Variants in BEND3 observed in about 807,000 individuals in gnomAD.
BEND3 encodes the protein BEN domain-containing protein 3.
In BEND3, 13 loss-of-function variants were observed where a neutral mutation model predicts 60.1. The observed-to-expected ratio is 0.22, with a 90% confidence interval of 0.14 to 0.34. The LOEUF (loss-of-function observed/expected upper bound fraction) is 0.34, where lower values mean the gene tolerates loss of function less well. BEND3 is among the 10% of genes least tolerant of loss of function. The pLI, the probability that BEND3 is intolerant of heterozygous loss-of-function variation, is 1.00. For synonymous variants in BEND3, 497 were observed against 491.5 expected (o/e 1.01, Z -0.15); for missense variants, 896 against 1,138.1 (o/e 0.79, Z 3.06).
At chr6:107,098,839 T>C in intron 2 of BEND3, 86 bp from the exon 3 acceptor site, 2 of 1,162,826 alleles carry the variant, frequency 1.7e-6, no homozygotes, top group African/African-American at 1.5e-5. Context: ...AGGGTGTCTG[T>C]GGGCCGCCCT....
chr6:107,079,571 C>T (rs1425233728), intron 3 of BEND3, among the ~76,000 whole-genome samples: 1 of 152,136 alleles, frequency 6.6e-6, no homozygotes, highest in Non-Finnish European at 1.5e-5. Context: ...GTCTGTATGC[C>T]CCCTAGAGGT....
In BEND3 at chr6:107,069,070, C is replaced by G. The variant is rs1167522961; in HGVS notation, c.2121G>C (p.Val707=). Residue 707 remains valine (V), a synonymous_variant, in exon 4 of 4, where the codon GTG becomes GTC. Coordinates refer to ENST00000369042, the MANE Select transcript of BEND3 (RefSeq NM_001367314.1). The part of the protein sequence containing the change: ...DFCKIPLDEL[V]VPSPDFPVPS... Reference sequence around the variant, plus strand: ...GCACCGGGAAGTCAGGCGAGGGGACCACCAGCTCGTCCAAGGGGATCTTGC... The same window carrying G: ...GCACCGGGAAGTCAGGCGAGGGGACGACCAGCTCGTCCAAGGGGATCTTGC... 1 of 1,613,208 alleles carries G rather than the reference C, an allele frequency of 6.2e-7. No individual in the cohort carries two copies. Among genetic ancestry groups the G allele is most frequent in the Non-Finnish European group, 8.5e-7 (1 of 1,180,000 alleles).
Position 107,087,273 on chromosome 6 carries a change from T to G in BEND3, c.240+11278A>C, listed in dbSNP as rs370668357. ...GGTGGAGGTTGCAGTGAGCAGAGAT[T>G]GCGCCTCTGCACTCCAGCCTGGGTA... is the stretch of plus-strand genomic sequence containing the variant. On this transcript the variant is annotated intron_variant, in intron 3 of 3. Coordinates refer to ENST00000369042, the MANE Select transcript of BEND3 (RefSeq NM_001367314.1). Among the ~76,000 whole-genome samples, 6 of 151,290 alleles carry G rather than the reference T, an allele frequency of 4.0e-5. No homozygotes were observed. In the East Asian group the frequency reaches 1.2e-3, roughly 30 times the overall value.
intron 3 of BEND3, among the ~76,000 whole-genome samples, chr6:107,081,841 G>A (rs1457619237): frequency 6.6e-6 from 1 of 151,768 alleles, no homozygotes; most frequent in African/African-American, 2.4e-5. Flanking sequence ...AGCATATGAA[G>A]ATGCTGCCTT....
At chr6:107,114,261 G>A (rs1452114981) in intron 1 of BEND3, 1 of 152,208 alleles carries the variant, frequency 6.6e-6, no homozygotes, top group African/African-American at 2.4e-5. Flanking sequence ...CGCTCACGAG[G>A]AGCGGCGAGC....
intron 1 of BEND3, among the ~76,000 whole-genome samples, chr6:107,112,538 T>G (rs911596760): frequency 6.6e-6 from 1 of 151,954 alleles, no homozygotes; most frequent in Non-Finnish European, 1.5e-5. Context: ...AGCAAGAAGA[T>G]GGCATCTCTG....
chr6:107,103,402 C>A (rs1292347438), intron 1 of BEND3, among the ~76,000 whole-genome samples: 1 of 152,236 alleles, frequency 6.6e-6, no homozygotes, highest in Non-Finnish European at 1.5e-5. Flanking sequence ...TACGTAGGCG[C>A]TGCCACAACT....
At chr6:107,114,730 G>C (rs1770223447) in intron 1 of BEND3, among the ~76,000 whole-genome samples, 1 of 146,016 alleles carries the variant, frequency 6.8e-6, no homozygotes. Flanking sequence ...CGCGGCGCGA[G>C]TGGGGCGGGC....
At chr6:107,071,098 A>G in intron 3 of BEND3, 148 bp from the exon 4 acceptor site, 1 of 743,128 alleles carries the variant, frequency 1.3e-6, no homozygotes, top group Non-Finnish European at 2.1e-6. Context: ...TCTGTCATCC[A>G]AGGATGCACC....
intron 3 of BEND3, among the ~76,000 whole-genome samples, chr6:107,084,089 G>GT (rs1300190612): frequency 6.6e-6 from 1 of 152,174 alleles, no homozygotes; most frequent in Non-Finnish European, 1.5e-5. Flanking sequence ...TCTTAAACCC[G>GT]TAAGACCGGT....
chr6:107,112,619 C>A (rs1258096318), intron 1 of BEND3, among the ~76,000 whole-genome samples: 1 of 152,064 alleles, frequency 6.6e-6, no homozygotes, highest in African/African-American at 2.4e-5. Flanking sequence ...TTTGGGAGGC[C>A]GAAGCTGGCG....
intron 1 of BEND3, among the ~76,000 whole-genome samples, chr6:107,114,885 C>A (rs1292232525): frequency 6.7e-6 from 1 of 149,284 alleles, no homozygotes; most frequent in Non-Finnish European, 1.5e-5. Flanking sequence ...CCCGTGGGCG[C>A]CCGGCGCCCG....
Position 107,080,756 on chromosome 6 carries a change from C to T in BEND3, c.241-9806G>A, listed in dbSNP as rs1276743853. On this transcript the variant is annotated intron_variant, in intron 3 of 3. Transcript: ENST00000369042. The stretch of plus-strand genomic sequence containing the variant: ...AAAATTAGCTGGGCGTGGTGGTGCG[C>T]ACCTGTAACCCCAGCTACTCGGGAA... 4.6e-5 allele frequency among the ~76,000 whole-genome samples: 7 copies of T among 151,944 alleles called. No individual in the cohort carries two copies. The South Asian group carries it at 6.2e-4, about 14-fold the overall frequency.
At chr6:107,097,524 C>T (rs1775610321) in intron 3 of BEND3, among the ~76,000 whole-genome samples, 1 of 151,788 alleles carries the variant, frequency 6.6e-6, no homozygotes, top group Non-Finnish European at 1.5e-5. Context: ...GGCACAGTGG[C>T]TCACACCTGT....
In BEND3 at chr6:107,073,247, ATATATATATATATATATG is replaced by A. The variant is rs1390680047; in HGVS notation, c.241-2315_241-2298del. On this transcript the variant is annotated intron_variant, in intron 3 of 3. Coordinates refer to ENST00000369042, the MANE Select transcript of BEND3 (RefSeq NM_001367314.1). ...TATATATATATATATATATATATAT[ATATATATATATATATATG>A]TATGTGAGCAAATGGTCAGTGGCAA... 2.3e-3 allele frequency among the ~76,000 whole-genome samples: 54 copies of A among 23,562 alleles called. 4 individuals carry two copies. The highest frequency in any genetic ancestry group is 5.9e-3 in the African/African-American group (51 of 8,714). 15.5% of individuals were successfully genotyped at this position (23,562 alleles called of 152,430 possible).
intron 3 of BEND3, among the ~76,000 whole-genome samples, chr6:107,097,790 C>CAAAAAAA (rs10674719): frequency 1.9e-5 from 1 of 53,354 alleles, no homozygotes; most frequent in Non-Finnish European, 3.2e-5. Context: ...AACTCCGTCT[C>CAAAAAAA]AAAAAAAAAA....
chr6:107,099,138 G>A (rs2115027832), intron 2 of BEND3, 111 bp downstream of exon 2: 1 of 838,102 alleles, frequency 1.2e-6, no homozygotes, highest in Non-Finnish European at 2.0e-6. Flanking sequence ...TGTGTGGGTG[G>A]AGGGGACTTT....
At chr6:107,078,203 T>TA (rs1775139304) in intron 3 of BEND3, among the ~76,000 whole-genome samples, 1 of 152,118 alleles carries the variant, frequency 6.6e-6, no homozygotes, top group Non-Finnish European at 1.5e-5. Flanking sequence ...TCAACATTGA[T>TA]AGACGCCTGC....
At chr6:107,091,789 A>G (rs1393341329) in intron 3 of BEND3, among the ~76,000 whole-genome samples, 2 of 152,176 alleles carry the variant, frequency 1.3e-5, no homozygotes, top group African/African-American at 4.8e-5. Context: ...CTACTTCCTA[A>G]CTCATTCTAT....
Sources: allele counts gnomAD v4.1 joint callset (sites outside exome capture counted in the v4.1 genomes callset), GRCh38; gene constraint gnomAD v4.1.1; transcripts MANE v1.5; gene names NCBI Gene and HGNC (gene_info 2026-07-23, HGNC 2026-07-21).